SHISA6: variants seen among roughly 807,000 people sequenced by gnomAD.
SHISA6 encodes protein shisa-6.
A neutral mutation model predicts 47.9 loss-of-function variants in SHISA6; 22 were observed. That is an observed-to-expected ratio of 0.46 (90% CI 0.33 to 0.66). SHISA6 has a LOEUF of 0.66. SHISA6 is among the 30% of genes least tolerant of loss of function. The pLI is 0.02. For missense variants in SHISA6, 680 were observed against 764.6 expected, an observed-to-expected ratio of 0.89 and a Z score of 1.30; for synonymous variants, 388 against 337.8, an observed-to-expected ratio of 1.15 and a Z score of -1.63.
At chr17:11,474,483 T>C (rs906675797) in intron 3 of SHISA6, among the ~76,000 whole-genome samples, 15 of 152,030 alleles carry the variant, frequency 9.9e-5, no homozygotes, top group Admixed American at 1.3e-4. Flanking sequence ...GATGGATAGA[T>C]TGCAGAGTGT....
chr17:11,461,222 G>T (rs1441270055), intron 3 of SHISA6, among the ~76,000 whole-genome samples: 2 of 151,988 alleles, frequency 1.3e-5, no homozygotes, highest in Non-Finnish European at 2.9e-5. Flanking sequence ...ACAGTGAAAC[G>T]CTGTCTCTAC....
intron 2 of SHISA6, among the ~76,000 whole-genome samples, chr17:11,340,723 A>G (rs1911493631): frequency 6.6e-6 from 1 of 152,218 alleles, no homozygotes; most frequent in Non-Finnish European, 1.5e-5. Context: ...CCTCCACTCC[A>G]AAGAGATGAC....
rs1410081003 is a variant in SHISA6 at position 11,557,779 on chromosome 17, C to T, written c.1131C>T (p.Tyr377=). 1 of 1,549,570 alleles carries T rather than the reference C, an allele frequency of 6.5e-7. No individual in the cohort carries two copies. Among genetic ancestry groups the T allele is most frequent in the East Asian group, 2.4e-5 (1 of 40,908 alleles). ...CCGACAAGGAGGCTGACGAGTATTA[C>T]ATGAGACGGCGGCACCTGCCCGACC... ...RLTDKEADEY[Y]MRRRHLPDLA... Residue 377 remains tyrosine, a synonymous_variant, in exon 6 of 6, where the codon TAC becomes TAT. Transcript: ENST00000441885.
chr17:11,510,590 C>T (rs959307815), intron 3 of SHISA6, among the ~76,000 whole-genome samples: 2 of 152,154 alleles, frequency 1.3e-5, no homozygotes, highest in Non-Finnish European at 2.9e-5. Context: ...CTAGCTGGTT[C>T]CTATGCAAAG....
At chr17:11,551,769 G>A (rs2071933812) in intron 3 of SHISA6, 127 bp from the exon 4 acceptor site, 1 of 783,280 alleles carries the variant, frequency 1.3e-6, no homozygotes, top group Non-Finnish European at 2.1e-6. Flanking sequence ...AATGACCTCT[G>A]CCTTTCTTAG....
At chr17:11,314,760 G>A (rs373825189) in intron 2 of SHISA6, among the ~76,000 whole-genome samples, 1 of 151,814 alleles carries the variant, frequency 6.6e-6, no homozygotes, top group Non-Finnish European at 1.5e-5. Context: ...GGCTGGTCTC[G>A]AACTCCTGAC....
intron 1 of SHISA6, among the ~76,000 whole-genome samples, chr17:11,260,212 C>A (rs530162080): frequency 1.3e-5 from 2 of 152,160 alleles, no homozygotes; most frequent in South Asian, 2.1e-4. Flanking sequence ...ACCACACACC[C>A]GAGAAAGCCA....
At chr17:11,292,008 C>T (rs932728966) in intron 2 of SHISA6, among the ~76,000 whole-genome samples, 3 of 152,054 alleles carry the variant, frequency 2.0e-5, no homozygotes, top group Non-Finnish European at 4.4e-5. Context: ...CCTCACATAC[C>T]CATCATTCTT....
intron 3 of SHISA6, among the ~76,000 whole-genome samples, chr17:11,411,744 C>G (rs1355137517): frequency 1.3e-5 from 2 of 152,186 alleles, no homozygotes; most frequent in Non-Finnish European, 2.9e-5. Flanking sequence ...TTGCCCAAGG[C>G]TGGCATGGAG....
intron 3 of SHISA6, among the ~76,000 whole-genome samples, chr17:11,551,652 G>C (rs1246909348): frequency 6.6e-6 from 1 of 152,102 alleles, no homozygotes; most frequent in African/African-American, 2.4e-5. Context: ...TCTATAACTA[G>C]TTGGCCTCAT....
intron 3 of SHISA6, among the ~76,000 whole-genome samples, chr17:11,534,572 A>G (rs1359235654): frequency 6.6e-6 from 1 of 152,178 alleles, no homozygotes; most frequent in Non-Finnish European, 1.5e-5. Context: ...ACAATGTAGA[A>G]AGTGGTAAGC....
At chr17:11,506,605 C>G (rs1053612011) in intron 3 of SHISA6, among the ~76,000 whole-genome samples, 1 of 152,158 alleles carries the variant, frequency 6.6e-6, no homozygotes, top group Non-Finnish European at 1.5e-5. Context: ...CAGTTGCACT[C>G]AACTAGTCCC....
chr17:11,405,320 T>C (rs534590435), intron 3 of SHISA6, among the ~76,000 whole-genome samples: 2 of 152,232 alleles, frequency 1.3e-5, no homozygotes, highest in East Asian at 3.9e-4. Flanking sequence ...CTGGGGCTGC[T>C]TCTGGTCCCG....
At chr17:11,313,495 C>T (rs932546824) in intron 2 of SHISA6, among the ~76,000 whole-genome samples, 1 of 152,090 alleles carries the variant, frequency 6.6e-6, no homozygotes, top group African/African-American at 2.4e-5. Flanking sequence ...GACATGATAT[C>T]CAGAAACGAG....
intron 2 of SHISA6, among the ~76,000 whole-genome samples, chr17:11,346,239 A>G (rs1426342094): frequency 6.6e-6 from 1 of 152,160 alleles, no homozygotes; most frequent in Non-Finnish European, 1.5e-5. Flanking sequence ...GAAAAGACAA[A>G]ACTTAAAAAA....
intron 3 of SHISA6, among the ~76,000 whole-genome samples, chr17:11,409,828 C>T (rs1452436173): frequency 1.3e-5 from 2 of 152,022 alleles, no homozygotes; most frequent in Admixed American, 1.3e-4. Context: ...TGTTCCAGGG[C>T]AAGAACTTAC....
chr17:11,481,086 C>T (rs543102105), intron 3 of SHISA6, among the ~76,000 whole-genome samples: 7 of 152,018 alleles, frequency 4.6e-5, no homozygotes, highest in African/African-American at 1.7e-4. Flanking sequence ...CGAGACCAGC[C>T]GGGCCAACTC....
At chr17:11,242,488 C>G (rs1490482621) in intron 1 of SHISA6, among the ~76,000 whole-genome samples, 1 of 152,140 alleles carries the variant, frequency 6.6e-6, no homozygotes, top group African/African-American at 2.4e-5. Context: ...TTACTGAAAG[C>G]GGTACCAAGT....
intron 2 of SHISA6, among the ~76,000 whole-genome samples, chr17:11,370,166 C>A (rs1033754618): frequency 4.6e-5 from 7 of 152,168 alleles, no homozygotes; most frequent in Non-Finnish European, 5.9e-5. Flanking sequence ...AGATCACCAC[C>A]ATCAAGCACT....
Sources: allele counts gnomAD v4.1 joint callset (sites outside exome capture counted in the v4.1 genomes callset), GRCh38; gene constraint gnomAD v4.1.1; transcripts MANE v1.5; gene names NCBI Gene and HGNC (gene_info 2026-07-23, HGNC 2026-07-21).